SCNN1A: variants seen among roughly 807,000 people sequenced by gnomAD.
SCNN1A encodes epithelial sodium channel subunit alpha.
A neutral mutation model predicts 68.6 loss-of-function variants in SCNN1A; 65 were observed. The ratio of observed to expected loss-of-function variants is 0.95; its 90% CI spans 0.78 to 1.16. The LOEUF is 1.16. SCNN1A is among the 50% of genes most tolerant of loss of function. The pLI is 0.00. For missense variants in SCNN1A, 880 were observed against 865.9 expected (o/e 1.02, Z -0.20); for synonymous variants, 357 against 353.3 (o/e 1.01, Z -0.12).
intron 2 of SCNN1A, among the ~76,000 whole-genome samples, chr12:6,370,060 C>T (rs972897347): frequency 6.6e-6 from 1 of 152,206 alleles, no homozygotes; most frequent in Non-Finnish European, 1.5e-5. Context: ...GCCCTTCTGG[C>T]CTTGACCTCC....
intron 4 of SCNN1A, among the ~76,000 whole-genome samples, chr12:6,357,489 G>A (rs893444564): frequency 1.4e-4 from 21 of 151,778 alleles, no homozygotes; most frequent in South Asian, 2.1e-4. Context: ...CAGAAGAATC[G>A]CTTGAACTTG....
intron 4 of SCNN1A, among the ~76,000 whole-genome samples, chr12:6,357,803 A>G (rs1214711024): frequency 1.3e-5 from 2 of 152,166 alleles, no homozygotes; most frequent in African/African-American, 4.8e-5. Context: ...GTTTGAGACC[A>G]GCCTGGCCAA....
upstream of SCNN1A, chr12:6,375,690 G>A: frequency 6.9e-7 from 1 of 1,444,990 alleles, no homozygotes; most frequent in Non-Finnish European, 9.1e-7. Flanking sequence ...GGGAGTACTG[G>A]ACCTGAGAAG....
At chr12:6,375,606 GGGGGGAGGGGCT>G, upstream of SCNN1A, 2 of 1,320,834 alleles carry the variant, frequency 1.5e-6, no homozygotes, top group Non-Finnish European at 1.0e-6. Context: ...TGAGCAGGGC[GGGGGGAGGGGCT>G]GAGGAGGAGT....
chr12:6,375,554 G>A lies in SCNN1A; in HGVS notation c.-104C>T. ...GGGAGCCCGCCCGCTGGCCGGCCAG[G>A]GATGGAAGCGACAGGAATCTCATTA... is the stretch of plus-strand genomic sequence containing the variant. On this transcript the variant is annotated 5_prime_UTR_variant, in exon 1 of 13. Transcript: ENST00000228916. The A allele has an allele frequency of 6.5e-7, 1 of 1,535,018 alleles. No individual in the cohort carries two copies. Among genetic ancestry groups the A allele is most frequent in the Admixed American group, 2.0e-5 (1 of 50,964 alleles).
chr12:6,359,273 TA>T (rs1396973061), intron 4 of SCNN1A, among the ~76,000 whole-genome samples: 1 of 152,088 alleles, frequency 6.6e-6, no homozygotes, highest in Non-Finnish European at 1.5e-5. Context: ...AAAGTGTTAT[TA>T]AAAAAAGATT....
In SCNN1A at chr12:6,355,762, C is replaced by G. The variant is rs1565479350; in HGVS notation, c.979+15G>C. 1 of 1,559,872 alleles carries G rather than the reference C, an allele frequency of 6.4e-7. No homozygotes were observed. Among genetic ancestry groups the G allele is most frequent in the Non-Finnish European group, 8.8e-7 (1 of 1,130,730 alleles). ...GAAGCAGAGGGCGCCATGGAGCAAG[C>G]AGGGAGCTTCTCACCGTTGTTGATT... is the stretch of plus-strand genomic sequence containing the variant. On this transcript the variant is annotated intron_variant, in intron 5 of 12. Transcript: ENST00000228916.
chr12:6,375,746 G>A, upstream of SCNN1A: 1 of 1,414,448 alleles, frequency 7.1e-7, no homozygotes, highest in Admixed American at 3.0e-5. Context: ...CAAGGAGGCT[G>A]GGGGACAGGA....
At chr12:6,353,805 GGTCTCC>G (rs1429884271) in intron 8 of SCNN1A, 1 of 140,596 alleles carries the variant, frequency 7.1e-6, no homozygotes, top group African/African-American at 2.8e-5. Flanking sequence ...TAGCCAGGAT[GGTCTCC>G]ATCTCCTGAC....
intron 3 of SCNN1A, 137 bp from the exon 4 acceptor site, chr12:6,362,378 A>G: frequency 1.3e-6 from 1 of 781,340 alleles, no homozygotes; most frequent in Non-Finnish European, 2.3e-6. Flanking sequence ...GGGGAAAGAC[A>G]GAAGTGGAAG....
intron 9 of SCNN1A, 23 bp from the exon 10 acceptor site, chr12:6,349,244 A>G: frequency 6.2e-7 from 1 of 1,614,096 alleles, no homozygotes; most frequent in South Asian, 1.1e-5. Flanking sequence ...AAAGGTGCTC[A>G]GTGTTGGGGC....
upstream of SCNN1A, chr12:6,377,288 C>T (rs1001881445): frequency 1.3e-6 from 2 of 1,549,518 alleles, no homozygotes; most frequent in South Asian, 2.4e-5. Flanking sequence ...TTGGAAGGGA[C>T]AGCTGGATTT....
intron 2 of SCNN1A, among the ~76,000 whole-genome samples, chr12:6,371,220 C>A (rs149709283): frequency 6.6e-6 from 1 of 152,132 alleles, no homozygotes; most frequent in Non-Finnish European, 1.5e-5. Context: ...CCGATCTCCT[C>A]GGTAGGAGTC....
chr12:6,357,749 G>A (rs1948521382), intron 4 of SCNN1A, among the ~76,000 whole-genome samples: 1 of 151,842 alleles, frequency 6.6e-6, no homozygotes, highest in Non-Finnish European at 1.5e-5. Context: ...TGTAATCCCA[G>A]CACTTTGGGA....
At chr12:6,364,716 C>G (rs1377383555) in intron 2 of SCNN1A, among the ~76,000 whole-genome samples, 1 of 151,322 alleles carries the variant, frequency 6.6e-6, no homozygotes, top group African/African-American at 2.4e-5. Context: ...GAGCCGAGAT[C>G]GCGCCACTAC....
intron 3 of SCNN1A, 33 bp downstream of exon 3, chr12:6,363,410 G>A: frequency 1.3e-6 from 2 of 1,490,924 alleles, no homozygotes; most frequent in Non-Finnish European, 1.8e-6. Context: ...CCGGCGAGGG[G>A]CGGGGCGGGC....
chr12:6,374,973 G>A lies in SCNN1A; in HGVS notation c.-54-136C>T, dbSNP rs114961447. ...TGGCCATGCCCATGTCCCACCCTGCGCCCACATTCTCCCACTCCTCCCTCC... is the reference window on the plus strand; with the variant it reads ...TGGCCATGCCCATGTCCCACCCTGCACCCACATTCTCCCACTCCTCCCTCC... On this transcript the variant is annotated intron_variant, in intron 1 of 12. Transcript: ENST00000228916. This position sits in a 1 kb window ranked among gnomAD's most constrained non-coding sequence, Gnocchi z 6.2. 115 of 1,558,612 alleles carry A rather than the reference G, an allele frequency of 7.4e-5. No individual in the cohort carries two copies. In the African/African-American group the frequency reaches 1.4e-3, roughly 19 times the overall value.
chr12:6,354,530 T>A lies in SCNN1A; in HGVS notation c.1268A>T (p.Glu423Val). 1 of 1,613,864 alleles carries A rather than the reference T, an allele frequency of 6.2e-7. No individual in the cohort carries two copies. The highest frequency in any genetic ancestry group is 8.5e-7 in the Non-Finnish European group (1 of 1,179,900). The change falls in exon 8 of 13, where the codon GAG becomes GTG. Residue 423 changes from glutamate (E) to valine (V), a missense_variant. Physicochemically the swap from Glu to Val is moderately radical, Grantham distance 121. Transcript: ENST00000228916. ...QQVCIHSCFQ[E>V]SMIKECGCAY... is the part of the protein sequence containing the mutation. ...ACAGCCACACTCCTTGATCATGCTC[T>A]CCTGGAAGCAGGAGTGAATACACAC...
chr12:6,375,920 A>G (rs1264170367), upstream of SCNN1A: 4 of 1,117,034 alleles, frequency 3.6e-6, no homozygotes, highest in African/African-American at 6.7e-5. Flanking sequence ...ACAGCGAAGG[A>G]CAGAGAGATA....
Sources: gnomAD v4.1 joint callset for allele counts (sites outside exome capture counted in the v4.1 genomes callset) on GRCh38, gnomAD v4.1.1 for gene constraint, Gnocchi (gnomAD v3.1) non-coding constraint, MANE v1.5 for transcripts, NCBI Gene and HGNC (gene_info 2026-07-23, HGNC 2026-07-21) for gene names.